Variants in TRPC4AP observed in about 807,000 individuals in gnomAD.
TRPC4AP encodes short transient receptor potential channel 4-associated protein.
Under a neutral mutation model 99.0 loss-of-function variants are expected in TRPC4AP, and 45 were observed. The observed-to-expected ratio is 0.45, with a 90% confidence interval of 0.36 to 0.58. The LOEUF is 0.58. Among genes scored for constraint, TRPC4AP ranks in the 20% least tolerant of loss-of-function variants. The probability of loss-of-function intolerance (pLI) is 0.00; values close to 1 mark genes in which losing one functional copy is unlikely to be tolerated. For synonymous variants in TRPC4AP, 408 were observed against 385.8 expected (o/e 1.06, Z -0.67); for missense variants, 879 against 985.3 (o/e 0.89, Z 1.44).
intron 16 of TRPC4AP, among the ~76,000 whole-genome samples, 157 bp from the exon 17 acceptor site, chr20:35,004,727 C>T (rs1489028122): frequency 1.3e-5 from 2 of 152,172 alleles, no homozygotes; most frequent in Non-Finnish European, 2.9e-5. Flanking sequence ...AAAGAAGGAC[C>T]TCCAGCTGTC....
At chr20:35,017,635 C>T (rs996302907) in intron 9 of TRPC4AP, among the ~76,000 whole-genome samples, 1 of 152,118 alleles carries the variant, frequency 6.6e-6, no homozygotes, top group African/African-American at 2.4e-5. Context: ...GTGATTGCAA[C>T]GGCACCTAAC....
intron 7 of TRPC4AP, among the ~76,000 whole-genome samples, chr20:35,041,265 A>C (rs1200274181): frequency 6.6e-6 from 1 of 152,206 alleles, no homozygotes; most frequent in African/African-American, 2.4e-5. Flanking sequence ...TAACATTCAG[A>C]GGACTAAGAC....
At chr20:35,005,337 C>T (rs375204063) in intron 16 of TRPC4AP, among the ~76,000 whole-genome samples, 4 of 152,296 alleles carry the variant, frequency 2.6e-5, no homozygotes, top group East Asian at 3.9e-4. Context: ...CATGGAAGTG[C>T]GTTAGCAAGT....
At chr20:35,056,730 CAGCACTTGGG>C (rs1394894429) in intron 4 of TRPC4AP, among the ~76,000 whole-genome samples, 1 of 151,814 alleles carries the variant, frequency 6.6e-6, no homozygotes, top group Non-Finnish European at 1.5e-5. Flanking sequence ...CCTGTAATCC[CAGCACTTGGG>C]AGGCTGAGGT....
At chr20:35,016,775 T>C (rs2082764316) in intron 9 of TRPC4AP, among the ~76,000 whole-genome samples, 1 of 152,208 alleles carries the variant, frequency 6.6e-6, no homozygotes, top group South Asian at 2.1e-4. Flanking sequence ...ACAAGCCAAA[T>C]ATGACAAACA....
At chr20:35,092,490 G>C (rs1243046146) in intron 1 of TRPC4AP, 124 bp downstream of exon 1, 1 of 1,173,986 alleles carries the variant, frequency 8.5e-7, no homozygotes, top group Non-Finnish European at 1.1e-6. Context: ...TCACAGGGAG[G>C]CCTTCCGGCC....
intron 13 of TRPC4AP, 119 bp downstream of exon 13, chr20:35,008,545 C>T: frequency 2.4e-6 from 2 of 835,188 alleles, no homozygotes; most frequent in Non-Finnish European, 1.9e-6. Flanking sequence ...CTCTCCCCAA[C>T]AGTAATTGTG....
intron 9 of TRPC4AP, 71 bp from the exon 10 acceptor site, chr20:35,016,210 G>A (rs767995353): frequency 1.0e-5 from 16 of 1,562,396 alleles, no homozygotes; most frequent in Admixed American, 5.0e-5. Flanking sequence ...CTCGTGCTCA[G>A]TACACACGAT....
At chr20:35,080,997 A>C (rs1016610589) in intron 1 of TRPC4AP, among the ~76,000 whole-genome samples, 1 of 152,184 alleles carries the variant, frequency 6.6e-6, no homozygotes, top group Non-Finnish European at 1.5e-5. Flanking sequence ...TAACTTCATC[A>C]ATTTGCTGAA....
chr20:35,015,627 C>T (rs954705648), intron 10 of TRPC4AP, among the ~76,000 whole-genome samples: 1 of 151,572 alleles, frequency 6.6e-6, no homozygotes, highest in African/African-American at 2.4e-5. Context: ...CATACCTGGC[C>T]AATTTTTGTA....
intron 1 of TRPC4AP, among the ~76,000 whole-genome samples, chr20:35,092,069 G>A (rs2085083708): frequency 6.6e-6 from 1 of 152,132 alleles, no homozygotes; most frequent in African/African-American, 2.4e-5. Flanking sequence ...AGACAACAAA[G>A]AAATACGAAA....
intron 3 of TRPC4AP, among the ~76,000 whole-genome samples, chr20:35,065,873 T>C (rs930478541): frequency 1.3e-5 from 2 of 152,200 alleles, no homozygotes; most frequent in African/African-American, 4.8e-5. Flanking sequence ...AGTAGATTTC[T>C]TGATGAAACA....
At chr20:35,032,128 G>A (rs2083209008) in intron 8 of TRPC4AP, among the ~76,000 whole-genome samples, 1 of 152,146 alleles carries the variant, frequency 6.6e-6, no homozygotes, top group Non-Finnish European at 1.5e-5. Context: ...GGCCTCAAGT[G>A]CTCCGCCCAC....
intron 8 of TRPC4AP, among the ~76,000 whole-genome samples, chr20:35,023,082 C>T (rs975073039): frequency 2.6e-5 from 4 of 151,656 alleles, no homozygotes; most frequent in Admixed American, 1.3e-4. Flanking sequence ...TTGGAACTAT[C>T]TTTCCCCGTC....
chr20:35,044,432 G>T (rs1051713846), intron 7 of TRPC4AP, 73 bp downstream of exon 7: 152 of 1,204,574 alleles, frequency 1.3e-4, no homozygotes, highest in African/African-American at 1.6e-4. Context: ...AAAAGAAAAA[G>T]AAAAAAAACT....
At chr20:35,007,496 A>ATG in intron 14 of TRPC4AP, 54 bp downstream of exon 14, 1 of 1,565,874 alleles carries the variant, frequency 6.4e-7, no homozygotes, top group Non-Finnish European at 8.8e-7. Context: ...GGACACAGCA[A>ATG]CGCGTGGGCT....
At chr20:35,014,649 A>G (rs2082711183) in intron 10 of TRPC4AP, among the ~76,000 whole-genome samples, 1 of 152,208 alleles carries the variant, frequency 6.6e-6, no homozygotes, top group Admixed American at 6.5e-5. Context: ...TGCAAAATAT[A>G]TTTGCTTGAA....
intron 9 of TRPC4AP, among the ~76,000 whole-genome samples, chr20:35,020,049 A>C (rs2147293747): frequency 6.6e-6 from 1 of 152,090 alleles, no homozygotes; most frequent in Non-Finnish European, 1.5e-5. Flanking sequence ...TGGGCGAAAA[A>C]CCTTGGGAGT....
At position 35,021,172 on chromosome 20, in the gene TRPC4AP, C is replaced by T. The variant is rs371366359; in HGVS notation, c.1218+18G>A. The T allele has an allele frequency of 1.4e-5, 23 of 1,605,374 alleles. No homozygotes were observed. Among genetic ancestry groups the T allele is most frequent in the African/African-American group, 6.7e-5 (5 of 74,846 alleles). On this transcript the variant is annotated intron_variant, in intron 9 of 18. Coordinates refer to ENST00000252015, the MANE Select transcript of TRPC4AP (RefSeq NM_015638.3). ...AGCACCTGCTCCCCGTGTCCTGAGA[C>T]GCTGGAGAGGGGCCCACCTGGTTTC...
Sources: gnomAD v4.1 joint callset for allele counts (sites outside exome capture counted in the v4.1 genomes callset) on GRCh38, gnomAD v4.1.1 for gene constraint, MANE v1.5 for transcripts, NCBI Gene and HGNC (gene_info 2026-07-23, HGNC 2026-07-21) for gene names.